Variants in DNTTIP1 observed in about 807,000 individuals in gnomAD.
The protein encoded by DNTTIP1 is deoxynucleotidyltransferase terminal interacting protein 1.
A neutral mutation model predicts 52.9 loss-of-function variants in DNTTIP1; 22 were observed. The observed-to-expected ratio is 0.42, with a 90% CI of 0.30 to 0.59. The LOEUF (loss-of-function observed/expected upper bound fraction) is 0.59, where lower values mean the gene tolerates loss of function less well. DNTTIP1 is among the 20% of genes least tolerant of loss of function. The pLI is 0.22. For synonymous variants in DNTTIP1, 136 were observed against 155.1 expected, an observed-to-expected ratio of 0.88 and a Z score of 0.92; for missense variants, 286 against 435.5, an observed-to-expected ratio of 0.66 and a Z score of 3.06.
At chr20:45,794,416 G>A (rs1388673408) in intron 3 of DNTTIP1, among the ~76,000 whole-genome samples, 1 of 151,880 alleles carries the variant, frequency 6.6e-6, no homozygotes, top group East Asian at 1.9e-4. Context: ...CAAAGTGCTG[G>A]GATTATAGGT....
Position 45,793,997 on chromosome 20 carries a change from GTCT to G in DNTTIP1, c.256_258del (p.Phe86del). 1 of 1,595,048 alleles carries G rather than the reference GTCT, an allele frequency of 6.3e-7. No homozygotes were observed. Among genetic ancestry groups the G allele is most frequent in the Non-Finnish European group, 8.5e-7 (1 of 1,170,326 alleles). On this transcript the variant is annotated inframe_deletion, in exon 3 of 13. Coordinates refer to ENST00000372622, the MANE Select transcript of DNTTIP1 (RefSeq NM_052951.3). ...CAGCATCAACGAGGAGATCCAGACT[GTCT>G]TCAACAAGTACATGAAGGTGAGAGG...
chr20:45,805,075 G>A (rs1439982870), intron 8 of DNTTIP1, 71 bp from the exon 9 acceptor site: 4 of 1,318,144 alleles, frequency 3.0e-6, no homozygotes, highest in Non-Finnish European at 4.4e-6. Flanking sequence ...AAAAGGGTAG[G>A]GGGAGGAGTG....
At chr20:45,800,251 ATAG>A (rs1335418777) in intron 4 of DNTTIP1, among the ~76,000 whole-genome samples, 39 of 152,300 alleles carry the variant, frequency 2.6e-4, no homozygotes, top group Non-Finnish European at 7.4e-5. Flanking sequence ...TGAAACATTA[ATAG>A]TAGTTTATGT....
chr20:45,795,360 G>A lies in DNTTIP1; in HGVS notation c.289G>A (p.Ala97Thr), dbSNP rs767719455. The change falls in exon 4 of 13, where the codon GCA (alanine) becomes ACA (threonine). Residue 97 changes from alanine to threonine, a missense_variant. Ala to Thr is a moderately conservative substitution (Grantham distance 58, BLOSUM62 0). Around this residue, in one of 2 missense-constraint regions of DNTTIP1, gnomAD observed 208 missense variants for 266.5 expected, o/e 0.78. Coordinates refer to ENST00000372622, the MANE Select transcript of DNTTIP1 (RefSeq NM_052951.3). ...NKYMKFFQKA[A>T]LNVRDNVGEE... is the part of the protein sequence containing the mutation. Reference sequence around the variant, plus strand: ...GCTCCCCTAGTTCTTCCAGAAGGCAGCACTGAACGTGCGAGACAATGTTGG... The same window carrying A: ...GCTCCCCTAGTTCTTCCAGAAGGCAACACTGAACGTGCGAGACAATGTTGG... 1.9e-6 allele frequency: 3 copies of A among 1,609,570 alleles called. No individual in the cohort carries two copies. The East Asian group carries it at 6.7e-5, about 36-fold the overall frequency.
At chr20:45,795,272 T>G in intron 3 of DNTTIP1, 73 bp from the exon 4 acceptor site, 1 of 831,500 alleles carries the variant, frequency 1.2e-6, no homozygotes, top group Non-Finnish European at 1.9e-6. Flanking sequence ...AAAGACTTAT[T>G]TTATATTCAG....
chr20:45,802,304 A>G (rs1411852943), intron 7 of DNTTIP1, among the ~76,000 whole-genome samples: 1 of 152,124 alleles, frequency 6.6e-6, no homozygotes, highest in Non-Finnish European at 1.5e-5. Flanking sequence ...CATTGTTAGT[A>G]TATATTGGAT....
chr20:45,805,928 A>G (rs1706858744), intron 10 of DNTTIP1, among the ~76,000 whole-genome samples: 1 of 151,996 alleles, frequency 6.6e-6, no homozygotes, highest in Admixed American at 6.6e-5. Flanking sequence ...TACTAAAAAT[A>G]CAAAATTAGC....
At position 45,801,007 on chromosome 20, in the gene DNTTIP1, G is replaced by A. The variant is rs1253399829; in HGVS notation, c.373-67G>A. On this transcript the variant is annotated intron_variant, in intron 4 of 12. Coordinates refer to ENST00000372622, the MANE Select transcript of DNTTIP1 (RefSeq NM_052951.3). ...AGACTCTGTCTCCAAAAAAAAAAAAGGAAGTAGGTAGGGTGTGCTTACCCA... is the reference window on the plus strand; with the variant it reads ...AGACTCTGTCTCCAAAAAAAAAAAAAGAAGTAGGTAGGGTGTGCTTACCCA... 3.4e-5 allele frequency: 44 copies of A among 1,285,468 alleles called. No homozygotes were observed. In the East Asian group the frequency reaches 7.5e-4, roughly 22 times the overall value. 79.6% of individuals were successfully genotyped at this position (1,285,468 alleles called of 1,614,324 possible). A position where few individuals can be genotyped will look rare whatever the true frequency, so the allele number is the denominator to read the frequency against.
chr20:45,803,468 C>T lies in DNTTIP1; in HGVS notation c.603+90C>T, dbSNP rs75362925. Reference sequence around the variant, plus strand: ...CACCATGAGGGAAAGGGGCAGGGGGCGAAGGGTGCATGCACACCATTCCAG... The same window carrying T: ...CACCATGAGGGAAAGGGGCAGGGGGTGAAGGGTGCATGCACACCATTCCAG... On this transcript the variant is annotated intron_variant, in intron 8 of 12. Transcript: ENST00000372622. The T allele has an allele frequency of 2.2e-4, 315 of 1,454,450 alleles. No individual in the cohort carries two copies. In the African/African-American group the frequency reaches 4.0e-3, roughly 18 times the overall value. 90.1% of individuals were successfully genotyped at this position (1,454,450 alleles called of 1,614,324 possible). A position where few individuals can be genotyped will look rare whatever the true frequency, so the allele number is the denominator to read the frequency against.
intron 2 of DNTTIP1, 21 bp downstream of exon 2, chr20:45,792,768 G>A: frequency 2.5e-6 from 4 of 1,600,762 alleles, no homozygotes; most frequent in Non-Finnish European, 3.4e-6. Flanking sequence ...CCCTGCATGG[G>A]GCTTATATCC....
At chr20:45,795,475 C>A in intron 4 of DNTTIP1, 32 bp downstream of exon 4, 1 of 1,353,866 alleles carries the variant, frequency 7.4e-7, no homozygotes, top group South Asian at 1.2e-5. Flanking sequence ...GATGCAGGCA[C>A]AAGGTTTAGC....
rs748654943 is a variant in DNTTIP1 at position 45,793,937 on chromosome 20, A to G, written c.193A>G (p.Ile65Val). 4 of 1,593,242 alleles carry G rather than the reference A, an allele frequency of 2.5e-6. No individual in the cohort carries two copies. The African/African-American group carries it at 5.4e-5, about 21-fold the overall frequency. Residue 65 changes from isoleucine (I) to valine (V), a missense_variant, in exon 3 of 13, where the codon ATC becomes GTC. By Grantham distance (29) the Ile-to-Val change is conservative (BLOSUM62 3). Transcript: ENST00000372622. ...QMTTSFTDPA[I>V]SMDLLRAVLQ... ...TGAATGCAGTTTCACAGATCCTGCC[A>G]TCTCCATGGATCTCCTCCGAGCTGT...
At chr20:45,803,200 T>C (rs754077890) in intron 7 of DNTTIP1, 133 bp from the exon 8 acceptor site, 3 of 811,154 alleles carry the variant, frequency 3.7e-6, no homozygotes, top group African/African-American at 1.7e-5. Flanking sequence ...CCTCCTCTTA[T>C]GTGTCACCAC....
chr20:45,805,409 T>G, intron 10 of DNTTIP1, 43 bp downstream of exon 10: 1 of 1,598,788 alleles, frequency 6.3e-7, no homozygotes, highest in East Asian at 2.2e-5. Flanking sequence ...GCATTGGGAG[T>G]AGACTGGGAA....
chr20:45,806,376 T>C (rs1246460419), intron 10 of DNTTIP1, among the ~76,000 whole-genome samples: 1 of 142,902 alleles, frequency 7.0e-6, no homozygotes, highest in African/African-American at 2.7e-5. Flanking sequence ...AAATAGAGTT[T>C]GGAGCAAGGC....
At chr20:45,792,569 G>T in intron 1 of DNTTIP1, 108 bp from the exon 2 acceptor site, 1 of 814,522 alleles carries the variant, frequency 1.2e-6, no homozygotes, top group South Asian at 2.0e-5. Flanking sequence ...AGATGGTGAC[G>T]GATCTGAGAA....
At chr20:45,807,518 C>T (rs987064471) in intron 10 of DNTTIP1, among the ~76,000 whole-genome samples, 4 of 152,144 alleles carry the variant, frequency 2.6e-5, no homozygotes, top group Non-Finnish European at 5.9e-5. Context: ...TATCTTTTGC[C>T]CATTTTTCTC....
rs773504772 is a variant in DNTTIP1 at position 45,793,955 on chromosome 20, C to A, written c.211C>A (p.Arg71=). The A allele has an allele frequency of 1.9e-6, 3 of 1,600,178 alleles. No individual in the cohort carries two copies. The Admixed American group carries it at 5.2e-5, about 28-fold the overall frequency. Residue 71 remains arginine (R), a synonymous_variant, in exon 3 of 13, where the codon CGA becomes AGA. Transcript: ENST00000372622. ...TCCTGCCATCTCCATGGATCTCCTC[C>A]GAGCTGTCCTGCAGCCCAGCATCAA... ...TDPAISMDLL[R]AVLQPSINEE...
rs183240888 is a variant in DNTTIP1 at position 45,810,432 on chromosome 20, T to C, written c.796-453T>C. On this transcript the variant is annotated intron_variant, in intron 11 of 12. Transcript: ENST00000372622. Reference sequence around the variant, plus strand: ...TTGTCCTCAGAGGGAGCACATGGTTTCCTCTTCCTGATTTCCTGTTTCCAT... The same window carrying C: ...TTGTCCTCAGAGGGAGCACATGGTTCCCTCTTCCTGATTTCCTGTTTCCAT... 4.6e-4 allele frequency among the ~76,000 whole-genome samples: 70 copies of C among 152,338 alleles called. 1 individual carries two copies. The highest frequency in any genetic ancestry group is 1.7e-3 in the African/African-American group (70 of 41,592).
Sources: gnomAD v4.1 joint callset for allele counts (sites outside exome capture counted in the v4.1 genomes callset) on GRCh38, gnomAD v4.1.1 for gene constraint, gnomAD v4.1.1 regional missense constraint, MANE v1.5 for transcripts, NCBI Gene and HGNC (gene_info 2026-07-23, HGNC 2026-07-21) for gene names.